The following PHLPP1 variants were observed in gnomAD, a reference collection of about 807,000 sequenced individuals.
PHLPP1 encodes the protein PH domain leucine-rich repeat-containing protein phosphatase 1.
A neutral mutation model predicts 117.2 loss-of-function variants in PHLPP1; 42 were observed. The ratio of observed to expected loss-of-function variants is 0.36; its 90% CI spans 0.28 to 0.46. The LOEUF (loss-of-function observed/expected upper bound fraction) is 0.46. PHLPP1 is among the 20% of genes least tolerant of loss of function. PHLPP1 has a pLI of 1.00. For missense variants in PHLPP1, 2,084 were observed against 2,241.9 expected (o/e 0.93, Z 1.42); for synonymous variants, 1,042 against 970.7 (o/e 1.07, Z -1.37).
chr18:62,887,900 G>T (rs1364555537), intron 4 of PHLPP1, among the ~76,000 whole-genome samples: 2 of 151,966 alleles, frequency 1.3e-5, no homozygotes, highest in Non-Finnish European at 2.9e-5. Context: ...ACCCTGCCTG[G>T]CTAATTTTAT....
At chr18:62,857,631 AAC>A (rs1433353474) in intron 3 of PHLPP1, among the ~76,000 whole-genome samples, 1 of 152,144 alleles carries the variant, frequency 6.6e-6, no homozygotes, top group Non-Finnish European at 1.5e-5. Flanking sequence ...TGGGGCAAAA[AAC>A]ACAGATTTCT....
chr18:62,802,072 T>C (rs1285604773), intron 1 of PHLPP1, among the ~76,000 whole-genome samples: 2 of 152,146 alleles, frequency 1.3e-5, no homozygotes, highest in African/African-American at 4.8e-5. Flanking sequence ...AATGTGTGTA[T>C]GTGAGCACCC....
intron 4 of PHLPP1, among the ~76,000 whole-genome samples, chr18:62,885,613 T>A (rs770966533): frequency 5.6e-4 from 85 of 152,104 alleles, no homozygotes; most frequent in Non-Finnish European, 9.3e-4. Context: ...TGAGCTGAGA[T>A]AGCACCACTG....
intron 1 of PHLPP1, among the ~76,000 whole-genome samples, chr18:62,813,281 A>G (rs1384555817): frequency 6.6e-6 from 1 of 152,226 alleles, no homozygotes; most frequent in Non-Finnish European, 1.5e-5. Flanking sequence ...CATACATCCC[A>G]AACATACACA....
At chr18:62,867,496 A>G (rs1915798150) in intron 4 of PHLPP1, among the ~76,000 whole-genome samples, 1 of 152,148 alleles carries the variant, frequency 6.6e-6, no homozygotes, top group Non-Finnish European at 1.5e-5. Context: ...CAGTGATTAT[A>G]TTTCCTTTCT....
At chr18:62,836,465 AAATAAAT>A (rs1914902747) in intron 2 of PHLPP1, among the ~76,000 whole-genome samples, 1 of 148,154 alleles carries the variant, frequency 6.7e-6, no homozygotes, top group Non-Finnish European at 1.5e-5. Flanking sequence ...ATAAATAAAT[AAATAAAT>A]AAATAAATAA....
At chr18:62,963,809 G>A (rs1290636165) in intron 14 of PHLPP1, among the ~76,000 whole-genome samples, 3 of 152,150 alleles carry the variant, frequency 2.0e-5, no homozygotes, top group South Asian at 4.1e-4. Context: ...TTCCTCTGAC[G>A]CTTGTTTACC....
At chr18:62,895,521 A>G (rs1164401998) in intron 5 of PHLPP1, among the ~76,000 whole-genome samples, 1 of 152,254 alleles carries the variant, frequency 6.6e-6, no homozygotes, top group Non-Finnish European at 1.5e-5. Flanking sequence ...TTCATATCAC[A>G]GTTAGCTCAC....
chr18:62,833,703 A>C (rs1480624565), intron 2 of PHLPP1, among the ~76,000 whole-genome samples: 1 of 152,232 alleles, frequency 6.6e-6, no homozygotes, highest in African/African-American at 2.4e-5. Context: ...TAATAAGATT[A>C]CATGTTACTT....
chr18:62,916,879 GAGT>G (rs1909298219), intron 9 of PHLPP1, among the ~76,000 whole-genome samples: 1 of 148,120 alleles, frequency 6.8e-6, no homozygotes, highest in South Asian at 2.1e-4. Flanking sequence ...TCAGCCTCCC[GAGT>G]AGCTGGGACT....
Position 62,715,719 on chromosome 18 carries a change from C to T in PHLPP1, c.36C>T (p.Leu12=). ...EPAAAATVQR[L]PELGREDRAS... is the part of the protein sequence containing the mutation. ...CCGCCGCGGCCACGGTACAGCGACT[C>T]CCCGAGCTCGGCAGGGAGGACCGAG... The change falls in exon 1 of 17, where the codon CTC becomes CTT. Residue 12 remains leucine (L), a synonymous_variant. Coordinates refer to ENST00000262719, the MANE Select transcript of PHLPP1 (RefSeq NM_194449.4). 7.8e-7 allele frequency: 1 copy of T among 1,275,096 alleles called. No homozygotes were observed. The highest frequency in any genetic ancestry group is 2.7e-5 in the South Asian group (1 of 37,228). 79.0% of individuals were successfully genotyped at this position (1,275,096 alleles called of 1,614,324 possible). A position where few individuals can be genotyped will look rare whatever the true frequency, so the allele number is the denominator to read the frequency against.
intron 1 of PHLPP1, among the ~76,000 whole-genome samples, chr18:62,771,998 T>TCTTTCTTCTGTCTTCTTCTC (rs1912797239): frequency 2.0e-5 from 3 of 152,258 alleles, no homozygotes; most frequent in African/African-American, 7.2e-5. Flanking sequence ...TTCTTCTTCT[T>TCTTTCTTCTGTCTTCTTCTC]CTTTCTTCTG....
intron 10 of PHLPP1, among the ~76,000 whole-genome samples, chr18:62,921,034 T>C (rs1174173903): frequency 2.6e-5 from 4 of 152,366 alleles, no homozygotes; most frequent in East Asian, 1.9e-4. Context: ...AATGAAGCTC[T>C]GTTATTTTGT....
chr18:62,902,802 C>T (rs1204236094), intron 6 of PHLPP1, among the ~76,000 whole-genome samples, 162 bp from the exon 7 acceptor site: 1 of 152,162 alleles, frequency 6.6e-6, no homozygotes, highest in South Asian at 2.1e-4. Flanking sequence ...AAAATAGATA[C>T]TCTGGCTAGT....
chr18:62,906,226 C>G (rs1014572858), intron 8 of PHLPP1: 1 of 152,156 alleles, frequency 6.6e-6, no homozygotes, highest in African/African-American at 2.4e-5. Context: ...ATAATCTATT[C>G]AATCATAATT....
intron 1 of PHLPP1, among the ~76,000 whole-genome samples, chr18:62,796,216 GTAA>G (rs920113941): frequency 6.6e-6 from 1 of 152,318 alleles, no homozygotes; most frequent in East Asian, 1.9e-4. Context: ...TTTCAGAGCT[GTAA>G]TAATAATAGT....
At chr18:62,755,328 G>A (rs12968113) in intron 1 of PHLPP1, among the ~76,000 whole-genome samples, 9,142 of 152,158 alleles carry the variant, frequency 0.06, 324 homozygotes, top group Middle Eastern at 0.089. Context: ...ACCAATACCA[G>A]TTTTCTCAAT....
intron 4 of PHLPP1, among the ~76,000 whole-genome samples, chr18:62,886,295 A>G (rs1461748033): frequency 3.3e-5 from 5 of 151,996 alleles, no homozygotes; most frequent in African/African-American, 1.2e-4. Flanking sequence ...TGTTTAATTT[A>G]TTTATTTTAG....
chr18:62,777,617 C>A (rs1039644045), intron 1 of PHLPP1, among the ~76,000 whole-genome samples: 3 of 151,788 alleles, frequency 2.0e-5, no homozygotes, highest in African/African-American at 4.8e-5. Context: ...ACTGTAAAGT[C>A]ACAAAGATTT....
Sources: gnomAD v4.1 joint callset for allele counts (sites outside exome capture counted in the v4.1 genomes callset) on GRCh38, gnomAD v4.1.1 for gene constraint, MANE v1.5 for transcripts, NCBI Gene and HGNC (gene_info 2026-07-23, HGNC 2026-07-21) for gene names.